The following CSNK2A2IP variants were observed in gnomAD, a reference collection of about 807,000 sequenced individuals.
CSNK2A2IP encodes the protein casein kinase 2 subunit alpha' interacting protein.
the CSNK2A2IP span, chr3:88,466,963 C>T: frequency 1.6e-6 from 2 of 1,231,164 alleles, no homozygotes; most frequent in Non-Finnish European, 2.0e-6. Context: ...TCTCCCATTC[C>T]CTATGAAAGA....
chr3:88,380,752 C>T, the CSNK2A2IP span, among the ~76,000 whole-genome samples: 6 of 150,422 alleles, frequency 4.0e-5, no homozygotes, highest in African/African-American at 1.2e-4. Context: ...CTATAAGAAA[C>T]AGAAAAAAAA....
the CSNK2A2IP span, among the ~76,000 whole-genome samples, chr3:88,446,978 G>A: frequency 1.4e-3 from 209 of 152,238 alleles, 5 homozygotes; most frequent in East Asian, 0.034. Context: ...CACAGCACAA[G>A]TAAAAGCTGT....
chr3:88,377,106 G>T, the CSNK2A2IP span, among the ~76,000 whole-genome samples: 1 of 151,772 alleles, frequency 6.6e-6, no homozygotes, highest in Non-Finnish European at 1.5e-5. Context: ...AATTAGCAAT[G>T]GGTTGGTGAT....
the CSNK2A2IP span, among the ~76,000 whole-genome samples, chr3:88,433,883 T>C: frequency 6.6e-6 from 1 of 152,304 alleles, no homozygotes; most frequent in Admixed American, 6.5e-5. Flanking sequence ...CTGGACTGGG[T>C]ACTCTCCAGT....
At chr3:88,427,483 G>T in the CSNK2A2IP span, among the ~76,000 whole-genome samples, 814 of 152,278 alleles carry the variant, frequency 5.3e-3, 12 homozygotes, top group African/African-American at 0.018. Context: ...TCTCCAGGGC[G>T]TATCAGAGAC....
At chr3:88,422,337 G>C in the CSNK2A2IP span, among the ~76,000 whole-genome samples, 1 of 152,168 alleles carries the variant, frequency 6.6e-6, no homozygotes, top group East Asian at 1.9e-4. Flanking sequence ...GATACCATCT[G>C]TGTGACTTAC....
the CSNK2A2IP span, among the ~76,000 whole-genome samples, chr3:88,449,226 C>T: frequency 1.1e-4 from 17 of 152,234 alleles, no homozygotes; most frequent in East Asian, 2.7e-3. Flanking sequence ...ATGGGCAAAA[C>T]CAAACATTTT....
At chr3:88,448,345 A>G in the CSNK2A2IP span, among the ~76,000 whole-genome samples, 1 of 152,200 alleles carries the variant, frequency 6.6e-6, no homozygotes, top group Admixed American at 6.5e-5. Flanking sequence ...GTCTGTATCT[A>G]TATCTTTATG....
the CSNK2A2IP span, among the ~76,000 whole-genome samples, chr3:88,368,093 T>G: frequency 2.6e-5 from 4 of 151,974 alleles, no homozygotes; most frequent in Non-Finnish European, 5.9e-5. Flanking sequence ...TAAACTAGTT[T>G]TATAATGTAA....
At chr3:88,385,682 G>C in the CSNK2A2IP span, among the ~76,000 whole-genome samples, 155 of 152,284 alleles carry the variant, frequency 1.0e-3, no homozygotes, top group African/African-American at 3.4e-3. Flanking sequence ...CAAGGGAAAT[G>C]CAGCTGATGG....
the CSNK2A2IP span, among the ~76,000 whole-genome samples, chr3:88,443,613 G>C: frequency 1.3e-5 from 2 of 152,126 alleles, no homozygotes; most frequent in South Asian, 4.1e-4. Context: ...TTTATGTCCA[G>C]AGGGAAAGTC....
the CSNK2A2IP span, among the ~76,000 whole-genome samples, chr3:88,448,173 T>G: frequency 7.9e-5 from 12 of 152,216 alleles, no homozygotes; most frequent in Non-Finnish European, 1.8e-4. Flanking sequence ...GCAGTCTTTT[T>G]GAGCATTACA....
chr3:88,349,518 C>T, the CSNK2A2IP span, among the ~76,000 whole-genome samples: 2 of 151,942 alleles, frequency 1.3e-5, no homozygotes, highest in Non-Finnish European at 2.9e-5. Context: ...ACTGGATTTT[C>T]TTTATCCATT....
chr3:88,354,053 G>GTC, the CSNK2A2IP span, among the ~76,000 whole-genome samples: 2 of 152,042 alleles, frequency 1.3e-5, no homozygotes, highest in Non-Finnish European at 1.5e-5. Context: ...TGACACCTCT[G>GTC]TCTCTCTCTC....
the CSNK2A2IP span, among the ~76,000 whole-genome samples, chr3:88,428,391 A>G: frequency 6.6e-6 from 1 of 151,848 alleles, no homozygotes; most frequent in Non-Finnish European, 1.5e-5. Flanking sequence ...ACTTTGGGGA[A>G]CTGTTAAAAG....
the CSNK2A2IP span, among the ~76,000 whole-genome samples, chr3:88,393,071 G>C: frequency 1.3e-5 from 2 of 152,268 alleles, no homozygotes; most frequent in African/African-American, 4.8e-5. Flanking sequence ...GGGTATAGCT[G>C]TATGTGACAT....
At chr3:88,385,232 G>C in the CSNK2A2IP span, among the ~76,000 whole-genome samples, 4 of 152,178 alleles carry the variant, frequency 2.6e-5, no homozygotes, top group African/African-American at 9.7e-5. Flanking sequence ...AAATGAAAGA[G>C]CGGTGAGGCG....
chr3:88,389,326 C>T, the CSNK2A2IP span, among the ~76,000 whole-genome samples: 2 of 152,046 alleles, frequency 1.3e-5, no homozygotes, highest in African/African-American at 4.8e-5. Flanking sequence ...GGAAGATTAT[C>T]CCTGGAAGAA....
chr3:88,373,207 A>C, the CSNK2A2IP span, among the ~76,000 whole-genome samples: 3 of 151,476 alleles, frequency 2.0e-5, no homozygotes, highest in Non-Finnish European at 4.4e-5. Flanking sequence ...TGGGACATTT[A>C]GCAAATTAGA....
Sources: gnomAD v4.1 joint callset for allele counts (sites outside exome capture counted in the v4.1 genomes callset) on GRCh38, gnomAD v4.1.1 for gene constraint, MANE v1.5 for transcripts, NCBI Gene and HGNC (gene_info 2026-07-23, HGNC 2026-07-21) for gene names.